The following ARHGEF3 variants were observed in gnomAD, a reference collection of about 807,000 sequenced individuals.
ARHGEF3 encodes Rho guanine nucleotide exchange factor 3.
ARHGEF3 carries 28 observed loss-of-function variants against 63.2 expected under a neutral mutation model. The observed-to-expected ratio is 0.44, with a 90% confidence interval of 0.33 to 0.61. The LOEUF is 0.61. Among genes scored for constraint, ARHGEF3 ranks in the 20% least tolerant of loss-of-function variants. The pLI is 0.03. For synonymous variants in ARHGEF3, 266 were observed against 254.2 expected, an observed-to-expected ratio of 1.05 and a Z score of -0.44; for missense variants, 533 against 659.3, an observed-to-expected ratio of 0.81 and a Z score of 2.10.
chr3:56,940,369 C>T (rs1470347695), intron 3 of ARHGEF3, among the ~76,000 whole-genome samples: 3 of 152,136 alleles, frequency 2.0e-5, no homozygotes, highest in African/African-American at 7.2e-5. Context: ...TAAGCAAGGA[C>T]TAATCAAAAC....
At chr3:56,995,641 G>C (rs1224283947) in intron 2 of ARHGEF3, among the ~76,000 whole-genome samples, 3 of 99,852 alleles carry the variant, frequency 3.0e-5, no homozygotes, top group African/African-American at 1.2e-4. Flanking sequence ...GAGAGAGAGA[G>C]AGAGAGAGAG....
At chr3:56,989,051 GAC>G (rs1701646505) in intron 2 of ARHGEF3, among the ~76,000 whole-genome samples, 1 of 152,128 alleles carries the variant, frequency 6.6e-6, no homozygotes, top group Non-Finnish European at 1.5e-5. Context: ...CAAGGAGAAA[GAC>G]AGCACCGATT....
At chr3:57,072,785 T>G (rs1021929124) in intron 1 of ARHGEF3, among the ~76,000 whole-genome samples, 1 of 149,260 alleles carries the variant, frequency 6.7e-6, no homozygotes, top group Admixed American at 6.7e-5. Flanking sequence ...GGTGGCTCAC[T>G]CCTGTAATCC....
chr3:56,986,581 G>C (rs1170481985), intron 2 of ARHGEF3, among the ~76,000 whole-genome samples: 3 of 152,134 alleles, frequency 2.0e-5, no homozygotes, highest in Admixed American at 6.5e-5. Flanking sequence ...GGGGTTGGGG[G>C]GAAGCCAGCA....
At chr3:56,967,589 TTTA>T (rs1314067267) in intron 2 of ARHGEF3, among the ~76,000 whole-genome samples, 3 of 86,750 alleles carry the variant, frequency 3.5e-5, no homozygotes, top group South Asian at 3.7e-4. Context: ...ACATAATATA[TTTA>T]ATTATATATT....
chr3:56,864,236 A>C (rs1412376317), intron 4 of ARHGEF3, among the ~76,000 whole-genome samples: 1 of 152,230 alleles, frequency 6.6e-6, no homozygotes, highest in African/African-American at 2.4e-5. Flanking sequence ...CTTTGAAGCT[A>C]TGTGTGGTCT....
At chr3:56,756,310 CTG>C (rs548049007) in intron 2 of ARHGEF3, among the ~76,000 whole-genome samples, 96 of 152,300 alleles carry the variant, frequency 6.3e-4, no homozygotes, top group African/African-American at 2.2e-3. Flanking sequence ...CCATGGCTCT[CTG>C]TGGCCTTCAG....
intron 1 of ARHGEF3, among the ~76,000 whole-genome samples, chr3:57,062,510 G>A (rs911595132): frequency 1.3e-5 from 2 of 152,214 alleles, no homozygotes; most frequent in African/African-American, 4.8e-5. Flanking sequence ...AGGGAAGGAA[G>A]CAGGGCAAGT....
intron 4 of ARHGEF3, among the ~76,000 whole-genome samples, chr3:56,853,695 A>G (rs1023945418): frequency 7.2e-5 from 11 of 152,160 alleles, no homozygotes; most frequent in Non-Finnish European, 1.5e-4. Context: ...AATGCTTTAA[A>G]ATTTATAACA....
At chr3:56,938,159 G>A (rs978510921) in intron 3 of ARHGEF3, among the ~76,000 whole-genome samples, 2 of 152,144 alleles carry the variant, frequency 1.3e-5, no homozygotes, top group African/African-American at 4.8e-5. Flanking sequence ...GGCAGTAACA[G>A]TCATGCACAA....
chr3:57,070,003 A>C (rs1705795516), intron 1 of ARHGEF3, among the ~76,000 whole-genome samples: 1 of 152,174 alleles, frequency 6.6e-6, no homozygotes, highest in Non-Finnish European at 1.5e-5. Context: ...CATTCTTCAA[A>C]CTATGATGTG....
At chr3:57,001,244 T>C (rs1218052221) in intron 2 of ARHGEF3, among the ~76,000 whole-genome samples, 3 of 152,248 alleles carry the variant, frequency 2.0e-5, no homozygotes, top group African/African-American at 4.8e-5. Flanking sequence ...CAGGTCCTTC[T>C]GCAAATTTGT....
chr3:56,749,567 C>T (rs2034601541), intron 6 of ARHGEF3, among the ~76,000 whole-genome samples: 1 of 152,202 alleles, frequency 6.6e-6, no homozygotes, highest in South Asian at 2.1e-4. Context: ...CTGAGGCACT[C>T]TCTACTCATT....
At chr3:56,806,006 T>C (rs1308569702), upstream of ARHGEF3, among the ~76,000 whole-genome samples, 2 of 152,206 alleles carry the variant, frequency 1.3e-5, no homozygotes, top group Non-Finnish European at 2.9e-5. Context: ...AAGCCATGTA[T>C]ATGGTCCTTG....
At chr3:57,074,185 A>G in intron 1 of ARHGEF3, 2 of 1,614,178 alleles carry the variant, frequency 1.2e-6, no homozygotes, top group Non-Finnish European at 1.7e-6. Flanking sequence ...AGCCGTTCAA[A>G]CCAACTGACA....
chr3:57,002,582 TTA>T (rs1238385831), intron 2 of ARHGEF3, among the ~76,000 whole-genome samples: 1 of 143,852 alleles, frequency 7.0e-6, no homozygotes, highest in Non-Finnish European at 1.5e-5. Flanking sequence ...GTTATATGTG[TTA>T]TATATATGTA....
chr3:56,906,633 C>T (rs1212121217), intron 3 of ARHGEF3, among the ~76,000 whole-genome samples: 5 of 152,022 alleles, frequency 3.3e-5, no homozygotes, highest in Non-Finnish European at 7.4e-5. Flanking sequence ...GTCAGGAGTT[C>T]GAGACCAGCC....
At chr3:56,938,464 A>G (rs1220730082) in intron 3 of ARHGEF3, among the ~76,000 whole-genome samples, 1 of 152,238 alleles carries the variant, frequency 6.6e-6, no homozygotes, top group Non-Finnish European at 1.5e-5. Flanking sequence ...TTAAGTGGTT[A>G]GTAAGTCAAA....
intron 3 of ARHGEF3, among the ~76,000 whole-genome samples, chr3:56,957,754 G>T (rs1186461704): frequency 1.3e-5 from 2 of 152,188 alleles, no homozygotes; most frequent in African/African-American, 2.4e-5. Context: ...AGCAGTGTGT[G>T]TAGGAGTGTG....
Sources: allele counts gnomAD v4.1 joint callset (sites outside exome capture counted in the v4.1 genomes callset), GRCh38; gene constraint gnomAD v4.1.1; transcripts MANE v1.5; gene names NCBI Gene and HGNC (gene_info 2026-07-23, HGNC 2026-07-21).